The following NTM variants were observed in gnomAD, a reference collection of about 807,000 sequenced individuals.
NTM encodes the protein IgLON family member 2.
In NTM, 13 loss-of-function variants were observed where a neutral mutation model predicts 42.1. The ratio of observed to expected loss-of-function variants is 0.31; its 90% CI spans 0.20 to 0.49. NTM has a LOEUF of 0.49. NTM is among the 20% of genes least tolerant of loss of function. The probability of loss-of-function intolerance (pLI) is 0.99; values close to 1 mark genes in which losing one functional copy is unlikely to be tolerated. For synonymous variants in NTM, 187 were observed against 179.2 expected (o/e 1.04, Z -0.35); for missense variants, 373 against 452.8 (o/e 0.82, Z 1.60).
intron 1 of NTM, among the ~76,000 whole-genome samples, chr11:131,780,459 A>G (rs2087872844): frequency 6.6e-6 from 1 of 152,144 alleles, no homozygotes; most frequent in African/African-American, 2.4e-5. Flanking sequence ...AGATGCCTGT[A>G]GGACTGAGGT....
chr11:132,308,705 T>C (rs150497108), intron 5 of NTM, among the ~76,000 whole-genome samples: 1 of 152,120 alleles, frequency 6.6e-6, no homozygotes, highest in East Asian at 1.9e-4. Context: ...CTTTCAGATT[T>C]AGGTTTGTGT....
intron 1 of NTM, among the ~76,000 whole-genome samples, chr11:131,903,280 C>A (rs2053420416): frequency 6.6e-6 from 1 of 152,172 alleles, no homozygotes; most frequent in Non-Finnish European, 1.5e-5. Context: ...GGATGCCTAG[C>A]ATAGACTGTA....
intron 1 of NTM, among the ~76,000 whole-genome samples, chr11:131,724,654 C>T (rs1490974934): frequency 1.3e-5 from 2 of 152,156 alleles, no homozygotes; most frequent in Non-Finnish European, 2.9e-5. Flanking sequence ...ACCCGCAGCC[C>T]CTCCGATGGT....
At chr11:131,406,388 T>C (rs1945817926) in intron 1 of NTM, among the ~76,000 whole-genome samples, 1 of 152,166 alleles carries the variant, frequency 6.6e-6, no homozygotes, top group African/African-American at 2.4e-5. Flanking sequence ...TCCTTATCTC[T>C]CTGAGGGATT....
At chr11:131,405,277 C>T (rs941780086) in intron 1 of NTM, among the ~76,000 whole-genome samples, 3 of 152,106 alleles carry the variant, frequency 2.0e-5, no homozygotes, top group African/African-American at 7.2e-5. Flanking sequence ...ATATCAATGC[C>T]CAGACCTTCC....
chr11:131,917,773 C>G (rs2056626943), intron 2 of NTM, among the ~76,000 whole-genome samples: 1 of 152,232 alleles, frequency 6.6e-6, no homozygotes, highest in South Asian at 2.1e-4. Flanking sequence ...GCACTCACCT[C>G]TGGGCTTGCC....
rs1176415466 is a variant in NTM at position 132,002,992 on chromosome 11, A to G, written c.167+91344A>G. ...AAGAAGCTTTTACTGTCCGCCTGTC[A>G]AAGTTCCTGAGCAGCAGCTGATTTC... On this transcript the variant is annotated intron_variant, in intron 2 of 8. Coordinates refer to ENST00000683400, the MANE Select transcript of NTM (RefSeq NM_001352005.2). This position sits in a 1 kb window ranked among gnomAD's most constrained non-coding sequence, Gnocchi z 4.5. 1.3e-5 allele frequency among the ~76,000 whole-genome samples: 2 copies of G among 152,198 alleles called. No homozygotes were observed. The highest frequency in any genetic ancestry group is 2.9e-5 in the Non-Finnish European group (2 of 68,034).
chr11:132,052,555 A>G (rs1174433813), intron 2 of NTM, among the ~76,000 whole-genome samples: 2 of 152,230 alleles, frequency 1.3e-5, no homozygotes, highest in Non-Finnish European at 2.9e-5. Flanking sequence ...CAGAAGAGTG[A>G]TAGATAATAA....
intron 2 of NTM, among the ~76,000 whole-genome samples, chr11:132,099,587 ATTGTTC>A (rs2061402121): frequency 6.6e-6 from 1 of 152,154 alleles, no homozygotes; most frequent in African/African-American, 2.4e-5. Flanking sequence ...ATCAGTGGGT[ATTGTTC>A]TTAAACCCAG....
intron 2 of NTM, among the ~76,000 whole-genome samples, chr11:131,939,147 C>T (rs1178437569): frequency 6.6e-6 from 1 of 151,960 alleles, no homozygotes; most frequent in East Asian, 1.9e-4. Context: ...AGGAGAATGG[C>T]GGATCGGAGT....
chr11:131,910,021 T>G (rs1219731758), intron 1 of NTM: 1 of 152,218 alleles, frequency 6.6e-6, no homozygotes, highest in Non-Finnish European at 1.5e-5. Context: ...AACATTTTGA[T>G]GATGCGATTT....
intron 1 of NTM, among the ~76,000 whole-genome samples, chr11:131,622,672 C>T (rs1027683045): frequency 6.6e-6 from 1 of 152,196 alleles, no homozygotes. Flanking sequence ...CGGCGTAAAT[C>T]TGCTTCAGTT....
chr11:132,311,004 T>C (rs1167255848), intron 6 of NTM, among the ~76,000 whole-genome samples: 1 of 151,704 alleles, frequency 6.6e-6, no homozygotes, highest in Non-Finnish European at 1.5e-5. Flanking sequence ...AAAGAGGTGG[T>C]GGTATAGGGG....
chr11:131,735,689 G>T (rs1358328263), intron 1 of NTM, among the ~76,000 whole-genome samples: 1 of 152,168 alleles, frequency 6.6e-6, no homozygotes. Flanking sequence ...CTGTGGTTTT[G>T]TTGGGTGCTT....
intron 4 of NTM, among the ~76,000 whole-genome samples, chr11:132,298,121 T>C (rs961230599): frequency 6.6e-6 from 1 of 152,130 alleles, no homozygotes; most frequent in African/African-American, 2.4e-5. Context: ...CTTAAATTAA[T>C]CTGGGTGAGG....
intron 1 of NTM, among the ~76,000 whole-genome samples, chr11:131,650,090 A>G (rs1292530922): frequency 6.6e-6 from 1 of 152,188 alleles, no homozygotes; most frequent in African/African-American, 2.4e-5. Context: ...AACAAGGCCC[A>G]GGGAGGTGTA....
At chr11:131,680,079 T>C (rs2072172003) in intron 1 of NTM, among the ~76,000 whole-genome samples, 1 of 152,098 alleles carries the variant, frequency 6.6e-6, no homozygotes, top group South Asian at 2.1e-4. Context: ...GAGATGAGGC[T>C]CTCTGGGTGA....
chr11:132,307,759 C>T lies in NTM; in HGVS notation c.597C>T (p.Tyr199=), dbSNP rs374350109. The T allele has an allele frequency of 6.3e-5, 102 of 1,614,066 alleles. No individual in the cohort carries two copies. The highest frequency in any genetic ancestry group is 1.6e-4 in the Middle Eastern group (1 of 6,084). Residue 199 remains tyrosine (Y), a synonymous_variant, in exon 5 of 9, where the codon TAC becomes TAT. Transcript: ENST00000683400. Reference sequence around the variant, plus strand: ...TCACCAGGGAGCAGTCAGGGGACTACGAGTGCAGTGCCTCCAATGACGTGG... The same window carrying T: ...TCACCAGGGAGCAGTCAGGGGACTATGAGTGCAGTGCCTCCAATGACGTGG... ...QGITREQSGD[Y]ECSASNDVAA...
chr11:132,004,611 C>CTT (rs1404798344), intron 2 of NTM, among the ~76,000 whole-genome samples: 1 of 112,284 alleles, frequency 8.9e-6, no homozygotes, highest in Admixed American at 8.2e-5. Context: ...CTCTTTCTCT[C>CTT]TCTCTCTCTC....
Sources: allele counts gnomAD v4.1 joint callset (sites outside exome capture counted in the v4.1 genomes callset), GRCh38; gene constraint gnomAD v4.1.1; non-coding constraint Gnocchi (gnomAD v3.1); transcripts MANE v1.5; gene names NCBI Gene and HGNC (gene_info 2026-07-23, HGNC 2026-07-21).